The following ATE1 variants were observed in gnomAD, a reference collection of about 807,000 sequenced individuals.
ATE1 encodes arginyltransferase 1.
ATE1 carries 36 observed loss-of-function variants against 70.5 expected under a neutral mutation model. That is an observed-to-expected ratio of 0.51 (90% CI 0.39 to 0.67). ATE1 has a LOEUF of 0.67. Among genes scored for constraint, ATE1 ranks in the 30% least tolerant of loss-of-function variants. ATE1 has a pLI of 0.00. For missense variants in ATE1, 593 were observed against 629.5 expected (o/e 0.94, Z 0.62); for synonymous variants, 232 against 219.3 (o/e 1.06, Z -0.51).
chr10:121,836,730 C>T lies in ATE1; in HGVS notation c.1245G>A (p.Lys415=), dbSNP rs1948447387. 1 of 1,543,556 alleles carries T rather than the reference C, an allele frequency of 6.5e-7. No homozygotes were observed. Among genetic ancestry groups the T allele is most frequent in the Non-Finnish European group, 8.8e-7 (1 of 1,132,620 alleles). The change falls in exon 10 of 12, where the codon AAG becomes AAA. Residue 415 remains lysine (K), a synonymous_variant. Coordinates refer to ENST00000224652, the MANE Select transcript of ATE1 (RefSeq NM_001001976.3). Reference sequence around the variant, plus strand: ...AAATCAACTTTACCTTATATTTCATCTTGGGACATGAATGAATGTAGAAAC... The same window carrying T: ...AAATCAACTTTACCTTATATTTCATTTTGGGACATGAATGAATGTAGAAAC... ...YMGFYIHSCP[K]MKYKGQYRPS...
At chr10:121,909,986 G>A (rs775817698) in intron 5 of ATE1, among the ~76,000 whole-genome samples, 1 of 152,198 alleles carries the variant, frequency 6.6e-6, no homozygotes, top group Non-Finnish European at 1.5e-5. Flanking sequence ...CAAGGCTGCA[G>A]TGAGCTATGA....
chr10:121,795,523 T>C (rs1349913006), intron 10 of ATE1, among the ~76,000 whole-genome samples: 2 of 152,204 alleles, frequency 1.3e-5, no homozygotes, highest in Admixed American at 1.3e-4. Context: ...ATATTTCACT[T>C]TTTAACTCTT....
intron 7 of ATE1, chr10:121,898,935 T>C (rs1295876647): frequency 6.2e-7 from 1 of 1,613,894 alleles, no homozygotes; most frequent in Non-Finnish European, 8.5e-7. Flanking sequence ...CGACTTGAAC[T>C]CTGGGTCCTC....
intron 6 of ATE1, among the ~76,000 whole-genome samples, chr10:121,900,725 T>C (rs1481454366): frequency 6.6e-6 from 1 of 152,208 alleles, no homozygotes; most frequent in African/African-American, 2.4e-5. Flanking sequence ...CGTAATTCTA[T>C]GAAGAAAGAG....
At chr10:121,784,315 T>G (rs1242427739) in intron 11 of ATE1, among the ~76,000 whole-genome samples, 2 of 152,210 alleles carry the variant, frequency 1.3e-5, no homozygotes, top group Non-Finnish European at 2.9e-5. Context: ...TGAGAACAAC[T>G]GTTGAATTTT....
intron 1 of ATE1, among the ~76,000 whole-genome samples, chr10:121,924,730 G>A (rs1233830934): frequency 6.6e-6 from 1 of 151,516 alleles, no homozygotes. Flanking sequence ...GAGTGTTTAG[G>A]TTAAAATTCC....
intron 11 of ATE1, among the ~76,000 whole-genome samples, chr10:121,753,914 C>A (rs568070862): frequency 1.3e-5 from 2 of 152,248 alleles, no homozygotes; most frequent in South Asian, 4.2e-4. Flanking sequence ...CAGGACTGGG[C>A]CAATTCTGCC....
intron 5 of ATE1, among the ~76,000 whole-genome samples, chr10:121,905,884 G>A (rs1318744143): frequency 1.3e-5 from 2 of 151,950 alleles, no homozygotes; most frequent in African/African-American, 4.8e-5. Flanking sequence ...AGCATATTAG[G>A]GGATACAGAT....
intron 10 of ATE1, among the ~76,000 whole-genome samples, chr10:121,816,484 C>T (rs1947547033): frequency 6.6e-6 from 1 of 152,196 alleles, no homozygotes; most frequent in South Asian, 2.1e-4. Flanking sequence ...AGGCCCCTTT[C>T]ACTCTTCCAC....
intron 8 of ATE1, among the ~76,000 whole-genome samples, chr10:121,845,786 C>T (rs1948796364): frequency 6.6e-6 from 1 of 152,054 alleles, no homozygotes; most frequent in African/African-American, 2.4e-5. Context: ...GATTCATGTG[C>T]TAATGGATTA....
intron 8 of ATE1, among the ~76,000 whole-genome samples, chr10:121,856,444 C>T (rs1949252913): frequency 6.6e-6 from 1 of 152,074 alleles, no homozygotes; most frequent in South Asian, 2.1e-4. Context: ...GCAGGAGAAT[C>T]GCTTGAACCC....
chr10:121,827,737 GC>G (rs1174479492), intron 10 of ATE1, among the ~76,000 whole-genome samples: 1 of 152,140 alleles, frequency 6.6e-6, no homozygotes, highest in Non-Finnish European at 1.5e-5. Flanking sequence ...ACTATCTTGT[GC>G]CTTACATGTA....
chr10:121,893,234 G>A (rs957360347), intron 7 of ATE1, among the ~76,000 whole-genome samples: 2 of 145,734 alleles, frequency 1.4e-5, no homozygotes, highest in African/African-American at 2.6e-5. Flanking sequence ...CCAAGATCAC[G>A]CCACTGCACT....
rs778367799 is a variant in ATE1 at position 121,927,930 on chromosome 10, C to T, written c.20G>A (p.Gly7Asp). 1.9e-6 allele frequency: 3 copies of T among 1,571,694 alleles called. No individual in the cohort carries two copies. Among genetic ancestry groups the T allele is most frequent in the Non-Finnish European group, 1.7e-6 (2 of 1,161,974 alleles). MAFWAG[G>D]SPSVVDYFPS... ...GAAATAGTCCACGACGCTGGGCGAA[C>T]CCCCCGCCCAGAAAGCCATGGCCTC... Residue 7 changes from glycine (G) to aspartate (D), a missense_variant, in exon 1 of 12, where the codon GGT becomes GAT. Gly to Asp is a moderately conservative substitution (Grantham distance 94, BLOSUM62 -1). Coordinates refer to ENST00000224652, the MANE Select transcript of ATE1 (RefSeq NM_001001976.3).
At chr10:121,750,053 A>C (rs1174503877) in intron 11 of ATE1, among the ~76,000 whole-genome samples, 3 of 152,230 alleles carry the variant, frequency 2.0e-5, no homozygotes, top group Non-Finnish European at 4.4e-5. Context: ...AATTAACATG[A>C]AAACCTAAGC....
intron 11 of ATE1, among the ~76,000 whole-genome samples, chr10:121,763,896 C>T (rs1480320035): frequency 6.6e-6 from 1 of 152,128 alleles, no homozygotes; most frequent in East Asian, 1.9e-4. Flanking sequence ...CACCTGTAGT[C>T]CCAGCTACTT....
chr10:121,745,552 T>TA (rs958400999), intron 11 of ATE1, among the ~76,000 whole-genome samples: 47 of 150,940 alleles, frequency 3.1e-4, no homozygotes, highest in East Asian at 7.8e-4. Flanking sequence ...CCGTCTCTAC[T>TA]AAAAAAAAAC....
chr10:121,909,289 G>C (rs886285871), intron 5 of ATE1, among the ~76,000 whole-genome samples: 1 of 152,112 alleles, frequency 6.6e-6, no homozygotes, highest in African/African-American at 2.4e-5. Flanking sequence ...ACTCCTGGCC[G>C]TAAGAGATTT....
intron 5 of ATE1, among the ~76,000 whole-genome samples, chr10:121,903,687 A>T (rs1053287310): frequency 4.6e-5 from 7 of 151,962 alleles, no homozygotes; most frequent in African/African-American, 1.7e-4. Context: ...ACTCTGTCTC[A>T]AAAAACAAAA....
Sources: gnomAD v4.1 joint callset for allele counts (sites outside exome capture counted in the v4.1 genomes callset) on GRCh38, gnomAD v4.1.1 for gene constraint, MANE v1.5 for transcripts, NCBI Gene and HGNC (gene_info 2026-07-23, HGNC 2026-07-21) for gene names.